DNM3: variants seen among roughly 807,000 people sequenced by gnomAD.
DNM3 encodes dynamin 3.
A neutral mutation model predicts 101.6 loss-of-function variants in DNM3; 47 were observed. That is an observed-to-expected ratio of 0.46 (90% CI 0.37 to 0.59). The LOEUF is 0.59. Among genes scored for constraint, DNM3 ranks in the 20% least tolerant of loss-of-function variants. The pLI is 0.00. For synonymous variants in DNM3, 385 were observed against 387.9 expected, an observed-to-expected ratio of 0.99 and a Z score of 0.09; for missense variants, 849 against 1,085.7, an observed-to-expected ratio of 0.78 and a Z score of 3.06.
chr1:172,231,453 T>C (rs1476141566), intron 14 of DNM3, among the ~76,000 whole-genome samples: 1 of 151,936 alleles, frequency 6.6e-6, no homozygotes, highest in Non-Finnish European at 1.5e-5. Context: ...TACATCACCA[T>C]CATCAAAGAC....
intron 10 of DNM3, among the ~76,000 whole-genome samples, chr1:172,057,301 C>A (rs1423588925): frequency 6.6e-5 from 10 of 152,180 alleles, no homozygotes; most frequent in Non-Finnish European, 1.5e-4. Context: ...CTTCCCCAAT[C>A]TAGCAAGGCA....
At chr1:172,124,061 C>G (rs2056477562) in intron 13 of DNM3, among the ~76,000 whole-genome samples, 1 of 152,174 alleles carries the variant, frequency 6.6e-6, no homozygotes. Context: ...CTCCTTATTT[C>G]TTGTTTCAAA....
intron 15 of DNM3, among the ~76,000 whole-genome samples, chr1:172,280,273 G>A (rs921682623): frequency 6.6e-6 from 1 of 151,908 alleles, no homozygotes; most frequent in Non-Finnish European, 1.5e-5. Flanking sequence ...CTTTTATCCT[G>A]CTCTATTTTG....
intron 4 of DNM3, among the ~76,000 whole-genome samples, chr1:172,003,645 A>AT (rs1558404996): frequency 6.6e-6 from 1 of 151,484 alleles, no homozygotes; most frequent in East Asian, 1.9e-4. Flanking sequence ...AAGAAAAACT[A>AT]TTTTTTTCCA....
chr1:172,408,813 T>A lies in DNM3; in HGVS notation c.*972T>A, dbSNP rs917418543. On this transcript the variant is annotated 3_prime_UTR_variant, in exon 21 of 21. Coordinates refer to ENST00000627582, the MANE Select transcript of DNM3 (RefSeq NM_015569.5). ...GTTTTGTAAGAATTTATCCTACCCT[T>A]GAAACAGGCTCAGTGTAACTGTATA... 4 of 985,292 alleles carry A rather than the reference T, an allele frequency of 4.1e-6. No individual in the cohort carries two copies. The highest frequency in any genetic ancestry group is 4.8e-6 in the Non-Finnish European group (4 of 829,840). The allele number at this position is 985,292 out of a possible 1,614,324, so 61.0% of individuals were successfully genotyped here.
intron 14 of DNM3, among the ~76,000 whole-genome samples, chr1:172,220,320 A>G (rs911678780): frequency 2.0e-5 from 3 of 152,174 alleles, no homozygotes; most frequent in African/African-American, 4.8e-5. Flanking sequence ...AGAAATTATG[A>G]CAGAGGAGCT....
rs1183572066 is a variant in DNM3, at chr1:171,921,786, G to A, written c.200G>A (p.Arg67Gln). The A allele has an allele frequency of 1.0e-5, 16 of 1,602,314 alleles. No individual in the cohort carries two copies. Among genetic ancestry groups the A allele is most frequent in the Admixed American group, 1.7e-5 (1 of 58,538 alleles). The change falls in exon 2 of 21, where the codon CGA becomes CAA. Residue 67 changes from arginine (R) to glutamine (Q), a missense_variant. By Grantham distance (43) the Arg-to-Gln change is conservative. Around this residue, in one of 5 missense-constraint regions of DNM3, gnomAD observed 388 missense variants for 483.0 expected, o/e 0.80. Transcript: ENST00000627582. ...LPRGSGIVTRRPLVLQLVTSK... is the reference protein window; with the variant it reads ...LPRGSGIVTRQPLVLQLVTSK... The stretch of plus-strand genomic sequence containing the variant: ...CGAGGGTCGGGCATTGTAACAAGAC[G>A]ACCTCTTGTGCTGCAGCTTGTTACT...
At chr1:172,071,785 C>A (rs2052216660) in intron 11 of DNM3, among the ~76,000 whole-genome samples, 2 of 151,200 alleles carry the variant, frequency 1.3e-5, no homozygotes, top group Non-Finnish European at 2.9e-5. Context: ...ACTTTCTGGG[C>A]AACTACTGCT....
At chr1:172,387,108 T>C (rs987643475) in intron 18 of DNM3, 25 bp from the exon 19 acceptor site, 12 of 1,586,180 alleles carry the variant, frequency 7.6e-6, no homozygotes, top group Admixed American at 6.7e-5. Flanking sequence ...ATTCCCATTT[T>C]TATTTCTCTG....
intron 14 of DNM3, among the ~76,000 whole-genome samples, chr1:172,240,697 A>C (rs1166566796): frequency 1.3e-5 from 2 of 152,222 alleles, no homozygotes; most frequent in Admixed American, 6.5e-5. Flanking sequence ...TTTACTTTGT[A>C]ATTTAATGTG....
At chr1:172,221,827 A>G (rs1326558688) in intron 14 of DNM3, among the ~76,000 whole-genome samples, 1 of 152,140 alleles carries the variant, frequency 6.6e-6, no homozygotes, top group Non-Finnish European at 1.5e-5. Context: ...ATAACACTAA[A>G]TACTTTCTAA....
chr1:171,946,226 C>T (rs2042166203), intron 2 of DNM3, among the ~76,000 whole-genome samples: 1 of 151,936 alleles, frequency 6.6e-6, no homozygotes, highest in South Asian at 2.1e-4. Flanking sequence ...CTGGGGCCTG[C>T]AAATGAAACT....
At chr1:172,138,125 C>T (rs192668114) in intron 14 of DNM3, 141 of 152,016 alleles carry the variant, frequency 9.3e-4, no homozygotes, top group African/African-American at 2.6e-3. Context: ...TACCATGACG[C>T]GTGGAAGTAT....
chr1:172,210,144 A>G (rs116444412), intron 14 of DNM3, among the ~76,000 whole-genome samples: 1,541 of 152,138 alleles, frequency 0.01, 33 homozygotes, highest in African/African-American at 0.035. Context: ...TGCAGATGAG[A>G]AAGTTGAGAC....
intron 2 of DNM3, among the ~76,000 whole-genome samples, chr1:171,928,440 C>T (rs749384266): frequency 1.3e-4 from 19 of 151,992 alleles, no homozygotes; most frequent in African/African-American, 4.8e-5. Context: ...GGGGCTCCAC[C>T]CCAGAGAGAT....
intron 1 of DNM3, among the ~76,000 whole-genome samples, chr1:171,884,912 T>C (rs2036628484): frequency 6.6e-6 from 1 of 152,188 alleles, no homozygotes; most frequent in African/African-American, 2.4e-5. Flanking sequence ...AATACAGGGA[T>C]GTGTGAGCAA....
intron 14 of DNM3, among the ~76,000 whole-genome samples, chr1:172,134,030 A>G (rs1286074704): frequency 6.6e-6 from 1 of 152,168 alleles, no homozygotes; most frequent in Non-Finnish European, 1.5e-5. Flanking sequence ...ATTGTGCATA[A>G]TAAGTGGTAT....
intron 1 of DNM3, among the ~76,000 whole-genome samples, chr1:171,914,495 A>G (rs767323936): frequency 6.6e-6 from 1 of 152,142 alleles, no homozygotes. Context: ...TTTTAAAAAT[A>G]TATTGGTTCT....
intron 14 of DNM3, among the ~76,000 whole-genome samples, chr1:172,169,273 CTTGAATGGGTCA>C (rs1443624227): frequency 6.6e-6 from 1 of 151,880 alleles, no homozygotes; most frequent in Non-Finnish European, 1.5e-5. Context: ...ACTCTCAGAG[CTTGAATGGGTCA>C]AATACTCCTT....
Sources: gnomAD v4.1 joint callset for allele counts (sites outside exome capture counted in the v4.1 genomes callset) on GRCh38, gnomAD v4.1.1 for gene constraint, gnomAD v4.1.1 regional missense constraint, MANE v1.5 for transcripts, NCBI Gene and HGNC (gene_info 2026-07-23, HGNC 2026-07-21) for gene names.